Variants in NEB observed in about 807,000 individuals in gnomAD.
The protein encoded by NEB is nebulin.
In NEB, 512 loss-of-function variants were observed where a neutral mutation model predicts 952.2. That is an observed-to-expected ratio of 0.54 (90% CI 0.50 to 0.58). The LOEUF is 0.58. Ranked by LOEUF, NEB falls within the 20% of genes least tolerant of loss-of-function variation. The probability of loss-of-function intolerance (pLI) is 0.00; values close to 1 mark genes in which losing one functional copy is unlikely to be tolerated. For synonymous variants in NEB, 2,900 were observed against 3,149.8 expected (o/e 0.92, Z 2.66); for missense variants, 8,428 against 9,231.1 (o/e 0.91, Z 3.56).
chr2:151,557,893 C>T (rs2095771601), intron 124 of NEB, among the ~76,000 whole-genome samples: 2 of 152,158 alleles, frequency 1.3e-5, no homozygotes, highest in Non-Finnish European at 2.9e-5. Flanking sequence ...CTATTTATAA[C>T]AAACCCACAG....
At chr2:151,569,486 C>T in intron 109 of NEB, 114 bp from the exon 110 acceptor site, 2 of 784,862 alleles carry the variant, frequency 2.5e-6, no homozygotes, top group South Asian at 1.5e-5. Flanking sequence ...CCAAGGAGGA[C>T]ATACTCAAGC....
At position 151,694,524 on chromosome 2, in the gene NEB, C is replaced by T. The variant is rs768295694; in HGVS notation, c.1780G>A (p.Asp594Asn). 14 of 1,613,448 alleles carry T rather than the reference C, an allele frequency of 8.7e-6. No homozygotes were observed. Among genetic ancestry groups the T allele is most frequent in the South Asian group, 3.3e-5 (3 of 91,068 alleles). ...CCAGGTCCCCAGGCCACACTCACAT[C>T]GCTGGTGTTCTTGGTGTTGGCTTTG... ...AAKANTKNTS[D>N]VMYKKDYEKN... Residue 594 changes from aspartate to asparagine, a missense_variant and splice_region_variant, in exon 19 of 182, where the codon GAT becomes AAT. This residue lies in a region of NEB where 2,851 missense variants were observed against 2,791.5 expected (regional missense o/e 1.02). Coordinates refer to ENST00000397345, the MANE Select transcript of NEB (RefSeq NM_001164508.2).
intron 165 of NEB, 70 bp from the exon 166 acceptor site, chr2:151,503,511 G>T: frequency 1.0e-6 from 1 of 974,824 alleles, no homozygotes; most frequent in South Asian, 1.4e-5. Flanking sequence ...AGCCACATGT[G>T]GGCTATTTGG....
Position 151,561,193 on chromosome 2 carries a change from T to C in NEB, c.19101+15A>G. 1 of 1,595,204 alleles carries C rather than the reference T, an allele frequency of 6.3e-7. No homozygotes were observed. The highest frequency in any genetic ancestry group is 8.6e-7 in the Non-Finnish European group (1 of 1,167,144). On this transcript the variant is annotated intron_variant, in intron 122 of 181. Transcript: ENST00000397345. ...AAATAGTTTGTCCCTGGAAGAGGAG[T>C]ACAGGAAGACGCACCTCACTGGCAT...
At chr2:151,697,932 G>A (rs985447143) in intron 13 of NEB, among the ~76,000 whole-genome samples, 2 of 152,216 alleles carry the variant, frequency 1.3e-5, no homozygotes, top group Non-Finnish European at 2.9e-5. Flanking sequence ...TGGGCATGGT[G>A]GCGGGTGCCT....
chr2:151,674,568 T>A lies in NEB; in HGVS notation c.3896A>T (p.Asp1299Val), dbSNP rs202207189. ...GCCCTTGGCTATTAAGTCATACCAATCCCGTTTATAACAGACCTGGACAGA... is the reference window on the plus strand; with the variant it reads ...GCCCTTGGCTATTAAGTCATACCAAACCCGTTTATAACAGACCTGGACAGA... ...YNISDVCYKR[D>V]WYDLIAKGNN... is the part of the protein sequence containing the mutation. Residue 1299 changes from aspartate to valine, a missense_variant, in exon 36 of 182, where the codon GAT becomes GTT. By Grantham distance (152) the Asp-to-Val change is radical (BLOSUM62 -3). Coordinates refer to ENST00000397345, the MANE Select transcript of NEB (RefSeq NM_001164508.2). 1 of 1,611,942 alleles carries A rather than the reference T, an allele frequency of 6.2e-7. No individual in the cohort carries two copies. Among genetic ancestry groups the A allele is most frequent in the Admixed American group, 1.7e-5 (1 of 59,990 alleles).
Position 151,724,909 on chromosome 2 carries a change from T to C in NEB, c.455A>G (p.Glu152Gly), listed in dbSNP as rs774206365. 6.2e-7 allele frequency: 1 copy of C among 1,613,896 alleles called. No individual in the cohort carries two copies. The highest frequency in any genetic ancestry group is 8.5e-7 in the Non-Finnish European group (1 of 1,179,836). ...TGCATGTTCAATATCCTTTGCTTTT[T>C]CATCTACGTGACATATAGTCTTAGC... ...DVAKTICHVD[E>G]KAKDIEHAKK... The change falls in exon 7 of 182, where the codon GAA (glutamate) becomes GGA (glycine). Residue 152 changes from glutamate (E) to glycine (G), a missense_variant. By Grantham distance (98) the Glu-to-Gly change is moderately conservative. Transcript: ENST00000397345.
At chr2:151,724,210 A>G (rs2099783848) in intron 8 of NEB, 50 bp downstream of exon 8, 1 of 1,346,844 alleles carries the variant, frequency 7.4e-7, no homozygotes, top group Non-Finnish European at 1.1e-6. Flanking sequence ...CATGAAATAT[A>G]TGATGGGATG....
chr2:151,658,017 T>C lies in NEB; in HGVS notation c.6149A>G (p.Lys2050Arg). 1 of 1,610,880 alleles carries C rather than the reference T, an allele frequency of 6.2e-7. No homozygotes were observed. The highest frequency in any genetic ancestry group is 1.7e-4 in the Middle Eastern group (1 of 6,054). ...YDLRPDAIPI[K>R]AAKASRDIAS... ...AATATCTCTGGAAGCCTTGGCAGCT[T>C]TGATAGGAATTGCATCAGGTCTGAG... is the stretch of plus-strand genomic sequence containing the variant. Residue 2050 changes from lysine (K) to arginine (R), a missense_variant, in exon 48 of 182, where the codon AAA becomes AGA. By Grantham distance (26) the Lys-to-Arg change is conservative (BLOSUM62 2). Around this residue, in one of 11 missense-constraint regions of NEB, gnomAD observed 2,851 missense variants for 2,791.5 expected, o/e 1.02. Transcript: ENST00000397345.
At chr2:151,557,659 G>T (rs1014732273) in intron 124 of NEB, among the ~76,000 whole-genome samples, 1 of 152,166 alleles carries the variant, frequency 6.6e-6, no homozygotes, top group African/African-American at 2.4e-5. Flanking sequence ...ACATCAAAAA[G>T]CTTATCTACC....
intron 153 of NEB, among the ~76,000 whole-genome samples, chr2:151,521,554 T>C (rs537610307): frequency 1.3e-5 from 2 of 152,278 alleles, no homozygotes; most frequent in East Asian, 1.9e-4. Flanking sequence ...AAACCAGATA[T>C]GCAGAGTCAG....
rs921909773 is a variant in NEB at position 151,694,578 on chromosome 2, T to C, written c.1726A>G (p.Lys576Glu). The change falls in exon 19 of 182, where the codon AAA (lysine) becomes GAA (glutamate). Residue 576 changes from lysine to glutamate, a missense_variant. Lys to Glu is a moderately conservative substitution (Grantham distance 56, BLOSUM62 1). Transcript: ENST00000397345. The part of the protein sequence containing the change: ...EKSKAKKFDI[K>E]VDAIPLLAAK... ...GCCAGCAGGGGAATGGCATCCACTTTAATGTCAAACTTTTTGGCTTTGCTC... is the reference window on the plus strand; with the variant it reads ...GCCAGCAGGGGAATGGCATCCACTTCAATGTCAAACTTTTTGGCTTTGCTC... 8 of 1,608,176 alleles carry C rather than the reference T, an allele frequency of 5.0e-6. No individual in the cohort carries two copies. In the African/African-American group the frequency reaches 8.0e-5, roughly 16 times the overall value.
intron 18 of NEB, among the ~76,000 whole-genome samples, chr2:151,695,036 TA>T (rs1490310391): frequency 6.6e-6 from 1 of 152,196 alleles, no homozygotes; most frequent in South Asian, 2.1e-4. Context: ...CAGATAATCT[TA>T]GTACTCATTT....
intron 81 of NEB, among the ~76,000 whole-genome samples, chr2:151,609,145 A>T (rs1480375801): frequency 6.6e-6 from 1 of 151,762 alleles, no homozygotes; most frequent in East Asian, 1.9e-4. Flanking sequence ...GATGGAGTGC[A>T]ATTGGAGATT....
intron 153 of NEB, among the ~76,000 whole-genome samples, chr2:151,523,893 A>G (rs547183534): frequency 2.6e-5 from 4 of 152,358 alleles, no homozygotes; most frequent in Admixed American, 2.0e-4. Context: ...TTAATGAAAA[A>G]AAAATGAATA....
Position 151,650,778 on chromosome 2 carries a change from C to T in NEB, c.7023G>A (p.Gln2341=). The change falls in exon 53 of 182, where the codon CAG becomes CAA. Residue 2341 remains glutamine, a synonymous_variant. Coordinates refer to ENST00000397345, the MANE Select transcript of NEB (RefSeq NM_001164508.2). ...LVLSMNVAKM[Q]SEREYKKDFE... is the part of the protein sequence containing the mutation. ...AGTCCTTCTTGTATTCTCTTTCACT[C>T]TGCATTTTGGCTACATTCATGGACA... 1 of 1,613,932 alleles carries T rather than the reference C, an allele frequency of 6.2e-7. No homozygotes were observed. The highest frequency in any genetic ancestry group is 8.5e-7 in the Non-Finnish European group (1 of 1,179,864).
intron 27 of NEB, among the ~76,000 whole-genome samples, chr2:151,686,819 A>G (rs77836537): frequency 2.9e-3 from 439 of 152,294 alleles, no homozygotes; most frequent in Non-Finnish European, 4.6e-3. Flanking sequence ...AAGAATTTTA[A>G]CTGCAAAATG....
chr2:151,505,204 G>A (rs2067853159), intron 165 of NEB, among the ~76,000 whole-genome samples: 3 of 152,098 alleles, frequency 2.0e-5, no homozygotes, highest in Admixed American at 1.3e-4. Context: ...GGAAACGAAT[G>A]GCATGATAAT....
rs759161983 is a variant in NEB, at chr2:151,627,505, T to C, written c.10143+18A>G. The stretch of plus-strand genomic sequence containing the variant: ...ATTACTATTATGAGCACAGTTACCA[T>C]GGATCTTAATTACTCACATCGCTCT... On this transcript the variant is annotated intron_variant, in intron 69 of 181. Transcript: ENST00000397345. 5.0e-6 allele frequency: 8 copies of C among 1,610,966 alleles called. No individual in the cohort carries two copies. In the South Asian group the frequency reaches 6.6e-5, roughly 13 times the overall value.
Sources: allele counts gnomAD v4.1 joint callset (sites outside exome capture counted in the v4.1 genomes callset), GRCh38; gene constraint gnomAD v4.1.1; regional missense constraint gnomAD v4.1.1; transcripts MANE v1.5; gene names NCBI Gene and HGNC (gene_info 2026-07-23, HGNC 2026-07-21).